Variants in TMOD3 observed in about 807,000 individuals in gnomAD.
TMOD3 encodes the protein tropomodulin-3.
A neutral mutation model predicts 39.2 loss-of-function variants in TMOD3; 20 were observed. That is an observed-to-expected ratio of 0.51 (90% CI 0.36 to 0.74). The LOEUF (loss-of-function observed/expected upper bound fraction) is 0.74. TMOD3 is among the 30% of genes least tolerant of loss of function. TMOD3 has a pLI of 0.00. For synonymous variants in TMOD3, 143 were observed against 145.8 expected, an observed-to-expected ratio of 0.98 and a Z score of 0.14; for missense variants, 381 against 412.8, an observed-to-expected ratio of 0.92 and a Z score of 0.67.
chr15:51,841,771 T>C (rs890564030), intron 1 of TMOD3, among the ~76,000 whole-genome samples: 2 of 152,220 alleles, frequency 1.3e-5, no homozygotes, highest in Non-Finnish European at 2.9e-5. Flanking sequence ...GTTTGGAGTT[T>C]TTTTAATTAT....
At chr15:51,880,416 C>A (rs2056526974) in intron 3 of TMOD3, among the ~76,000 whole-genome samples, 1 of 152,024 alleles carries the variant, frequency 6.6e-6, no homozygotes, top group South Asian at 2.1e-4. Context: ...ATTATGCAAC[C>A]ATCACCACAG....
intron 3 of TMOD3, among the ~76,000 whole-genome samples, chr15:51,870,403 C>T (rs1278540343): frequency 2.0e-5 from 3 of 152,172 alleles, no homozygotes; most frequent in Admixed American, 6.5e-5. Flanking sequence ...ATGGTGGCAG[C>T]AGTAGCAGAG....
chr15:51,851,576 A>G (rs1230552610), intron 1 of TMOD3, among the ~76,000 whole-genome samples: 3 of 152,100 alleles, frequency 2.0e-5, no homozygotes, highest in African/African-American at 4.8e-5. Context: ...ACCATTCACA[A>G]TGTGGATCTC....
intron 3 of TMOD3, among the ~76,000 whole-genome samples, chr15:51,869,840 A>G (rs1296153736): frequency 6.6e-6 from 1 of 152,164 alleles, no homozygotes; most frequent in Admixed American, 6.5e-5. Flanking sequence ...CATAATCAGT[A>G]GTTTTAGGAA....
chr15:51,864,995 C>CT (rs2056438157), intron 2 of TMOD3, among the ~76,000 whole-genome samples: 1 of 151,714 alleles, frequency 6.6e-6, no homozygotes, highest in African/African-American at 2.4e-5. Flanking sequence ...AAAAACATGA[C>CT]TTTTTTTTAG....
At chr15:51,894,412 CT>C (rs1273843863) in intron 6 of TMOD3, among the ~76,000 whole-genome samples, 2 of 152,114 alleles carry the variant, frequency 1.3e-5, no homozygotes, top group South Asian at 4.1e-4. Context: ...AAAATAAAAC[CT>C]GTTTTTTTGA....
intron 1 of TMOD3, chr15:51,861,254 G>T: frequency 2.5e-6 from 1 of 399,766 alleles, no homozygotes; most frequent in South Asian, 2.4e-5. Context: ...CCAATTCAGG[G>T]AGCTGATCTT....
chr15:51,861,277 G>C (rs183400678), intron 1 of TMOD3: 167 of 382,816 alleles, frequency 4.4e-4, no homozygotes, highest in African/African-American at 3.3e-3. Flanking sequence ...TTGTGTTCCT[G>C]AATTATCTCT....
Position 51,915,500 on chromosome 15 carries a change from T to G in TMOD3, c.*6690T>G, listed in dbSNP as rs1273007408. ...ACATGAAATCAGGTATTTACGTTTT[T>G]TTCTAATGCTAAAATATCCAACATT... On this transcript the variant is annotated 3_prime_UTR_variant, in exon 10 of 10. Coordinates refer to ENST00000308580, the MANE Select transcript of TMOD3 (RefSeq NM_014547.5). The G allele has an allele frequency of 6.6e-6, 1 of 152,238 alleles. No individual in the cohort carries two copies. Among genetic ancestry groups the G allele is most frequent in the Non-Finnish European group, 1.5e-5 (1 of 68,042 alleles). 9.4% of individuals were successfully genotyped at this position (152,238 alleles called of 1,614,324 possible).
chr15:51,869,797 A>G (rs1344782322), intron 3 of TMOD3, among the ~76,000 whole-genome samples: 1 of 152,214 alleles, frequency 6.6e-6, no homozygotes, highest in Non-Finnish European at 1.5e-5. Context: ...TATACCCATC[A>G]TTATTAATTC....
At chr15:51,869,844 T>A (rs924875605) in intron 3 of TMOD3, among the ~76,000 whole-genome samples, 1 of 152,196 alleles carries the variant, frequency 6.6e-6, no homozygotes, top group Non-Finnish European at 1.5e-5. Flanking sequence ...ATCAGTAGTT[T>A]TAGGAAATTT....
chr15:51,845,922 T>TA (rs1366815052), intron 1 of TMOD3, among the ~76,000 whole-genome samples: 1 of 152,192 alleles, frequency 6.6e-6, no homozygotes. Flanking sequence ...ATTCTCCTTA[T>TA]TCTAGCAAAG....
chr15:51,893,122 C>T (rs1272302438), intron 5 of TMOD3, among the ~76,000 whole-genome samples: 1 of 150,964 alleles, frequency 6.6e-6, no homozygotes, highest in African/African-American at 2.4e-5. Context: ...ATGACGAAAC[C>T]CATCTCTACT....
intron 1 of TMOD3, among the ~76,000 whole-genome samples, chr15:51,844,409 C>T (rs745386679): frequency 1.3e-4 from 20 of 152,166 alleles, no homozygotes; most frequent in African/African-American, 2.9e-4. Context: ...TCACCTTCTG[C>T]GGTTAAAGCC....
intron 1 of TMOD3, among the ~76,000 whole-genome samples, chr15:51,838,155 A>G (rs1385090555): frequency 6.6e-6 from 1 of 151,978 alleles, no homozygotes; most frequent in East Asian, 1.9e-4. Flanking sequence ...ATTCCCTCCC[A>G]GCTCCAACCT....
At position 51,898,637 on chromosome 15, in the gene TMOD3, A is replaced by G. The variant is rs1171871362; in HGVS notation, c.736-1518A>G. 2.0e-5 allele frequency among the ~76,000 whole-genome samples: 3 copies of G among 152,248 alleles called. No homozygotes were observed. In the South Asian group the frequency reaches 6.2e-4, roughly 32 times the overall value. Reference sequence around the variant, plus strand: ...ACATAGCTAGTTGTTGCTAATAGAAAGGACAAGTATGTAGATACCAGCCAC... The same window carrying G: ...ACATAGCTAGTTGTTGCTAATAGAAGGGACAAGTATGTAGATACCAGCCAC... On this transcript the variant is annotated intron_variant, in intron 7 of 9. Transcript: ENST00000308580.
chr15:51,846,211 G>T (rs2554353), intron 1 of TMOD3, among the ~76,000 whole-genome samples: 63,660 of 151,036 alleles, frequency 0.42, 13,618 homozygotes, highest in Admixed American at 0.52. Context: ...CGCACCTATT[G>T]TCCCAGCTAC....
At chr15:51,859,472 G>A (rs963631472) in intron 1 of TMOD3, 1 of 655,510 alleles carries the variant, frequency 1.5e-6, no homozygotes, top group Admixed American at 1.8e-5. Flanking sequence ...ATGGATGGCT[G>A]TTCTGTAAAC....
rs2056721721 is a variant in TMOD3 at position 51,913,657 on chromosome 15, G to C, written c.*4847G>C. The C allele has an allele frequency of 6.6e-6, 1 of 152,130 alleles. No individual in the cohort carries two copies. 9.4% of individuals were successfully genotyped at this position (152,130 alleles called of 1,614,324 possible). On this transcript the variant is annotated 3_prime_UTR_variant, in exon 10 of 10. Coordinates refer to ENST00000308580, the MANE Select transcript of TMOD3 (RefSeq NM_014547.5). ...TTCAGAAAGGTCAACCTAGAAAAAA[G>C]ACATGGCTAAGTAAACTATTTTAAG...
Sources: gnomAD v4.1 joint callset for allele counts (sites outside exome capture counted in the v4.1 genomes callset) on GRCh38, gnomAD v4.1.1 for gene constraint, MANE v1.5 for transcripts, NCBI Gene and HGNC (gene_info 2026-07-23, HGNC 2026-07-21) for gene names.